Variants in ITPR2 observed in about 807,000 individuals in gnomAD.
ITPR2 encodes the protein inositol 1,4,5-trisphosphate-gated calcium channel ITPR2.
A neutral mutation model predicts 317.1 loss-of-function variants in ITPR2; 207 were observed. The ratio of observed to expected loss-of-function variants is 0.65; its 90% CI spans 0.58 to 0.73. The LOEUF (loss-of-function observed/expected upper bound fraction) is 0.73. ITPR2 is among the 30% of genes least tolerant of loss of function. The pLI, the probability that ITPR2 is intolerant of heterozygous loss-of-function variation, is 0.00. For missense variants in ITPR2, 2,613 were observed against 3,284.0 expected, an observed-to-expected ratio of 0.80 and a Z score of 4.99; for synonymous variants, 1,156 against 1,149.1, an observed-to-expected ratio of 1.01 and a Z score of -0.12.
At chr12:26,452,245 GTT>G (rs35964202) in intron 45 of ITPR2, among the ~76,000 whole-genome samples, 1 of 146,282 alleles carries the variant, frequency 6.8e-6, no homozygotes, top group African/African-American at 2.5e-5. Context: ...AAATCCACCA[GTT>G]TTTTTTTTTA....
chr12:26,464,906 G>A (rs1942131370), intron 45 of ITPR2, among the ~76,000 whole-genome samples: 1 of 152,164 alleles, frequency 6.6e-6, no homozygotes, highest in Admixed American at 6.5e-5. Flanking sequence ...CAGGGTGGGA[G>A]GACCAAGAGT....
At chr12:26,516,534 G>C (rs1275810916) in intron 37 of ITPR2, among the ~76,000 whole-genome samples, 1 of 150,950 alleles carries the variant, frequency 6.6e-6, no homozygotes, top group Non-Finnish European at 1.5e-5. Flanking sequence ...GAATATAAAG[G>C]GGAAAGGAAA....
chr12:26,665,799 C>G, intron 14 of ITPR2, 111 bp downstream of exon 14: 1 of 941,898 alleles, frequency 1.1e-6, no homozygotes, highest in East Asian at 2.5e-5. Flanking sequence ...TTTTCAGCCA[C>G]TAAGTTTTGG....
chr12:26,432,292 C>T (rs1445192368), intron 48 of ITPR2, among the ~76,000 whole-genome samples: 1 of 152,076 alleles, frequency 6.6e-6, no homozygotes, highest in Non-Finnish European at 1.5e-5. Flanking sequence ...AAGCTTGACA[C>T]CTTGAAGAGT....
At chr12:26,595,801 G>T (rs1945828117) in intron 31 of ITPR2, among the ~76,000 whole-genome samples, 2 of 152,092 alleles carry the variant, frequency 1.3e-5, no homozygotes, top group South Asian at 4.1e-4. Context: ...CCATCCCCCT[G>T]GGCCAACCAT....
At chr12:26,782,550 T>C (rs1342983985) in intron 2 of ITPR2, among the ~76,000 whole-genome samples, 1 of 152,350 alleles carries the variant, frequency 6.6e-6, no homozygotes, top group Non-Finnish European at 1.5e-5. Context: ...ACTAATTCAA[T>C]AGATAGTATG....
At chr12:26,520,939 A>C (rs1943645567) in intron 37 of ITPR2, among the ~76,000 whole-genome samples, 1 of 152,228 alleles carries the variant, frequency 6.6e-6, no homozygotes. Context: ...AGTTTATGTA[A>C]GGAATATAAC....
chr12:26,675,819 C>G (rs1319687856), intron 13 of ITPR2, among the ~76,000 whole-genome samples: 4 of 152,196 alleles, frequency 2.6e-5, no homozygotes, highest in African/African-American at 9.6e-5. Context: ...CTTTAAAATA[C>G]AGATAGAAAG....
intron 2 of ITPR2, among the ~76,000 whole-genome samples, chr12:26,763,191 T>C (rs932501481): frequency 6.6e-6 from 1 of 152,134 alleles, no homozygotes; most frequent in East Asian, 1.9e-4. Flanking sequence ...ATTTAATCAA[T>C]TCATAATGTA....
rs747441174 is a variant in ITPR2 at position 26,486,247 on chromosome 12, C to T, written c.5668G>A (p.Asp1890Asn). The change falls in exon 41 of 57, where the codon GAC becomes AAC. Residue 1890 changes from aspartate to asparagine, a missense_variant. This residue lies in a region of ITPR2 where 926 missense variants were observed against 1,072.8 expected (regional missense o/e 0.86). Transcript: ENST00000381340. ...VYRREMDPEI[D>N]IMCTGPEAGN... ...GCTTCTGGTCCTGTGCACATAATGT[C>T]TATTTCTGGATCCATTTCTCTTCTG... 1.9e-6 allele frequency: 3 copies of T among 1,614,076 alleles called. No homozygotes were observed. In the South Asian group the frequency reaches 3.3e-5, roughly 18 times the overall value.
chr12:26,817,335 G>A (rs1161240525), intron 1 of ITPR2, among the ~76,000 whole-genome samples: 2 of 152,166 alleles, frequency 1.3e-5, no homozygotes, highest in Admixed American at 1.3e-4. Context: ...GCAAACAAAA[G>A]AGAAACTTCA....
intron 34 of ITPR2, among the ~76,000 whole-genome samples, chr12:26,565,501 G>GATAC (rs1944930437): frequency 8.4e-6 from 1 of 119,514 alleles, no homozygotes; most frequent in Non-Finnish European, 2.1e-5. Flanking sequence ...TAGATAGATA[G>GATAC]ATAGATAGAT....
chr12:26,656,858 T>C (rs1431171660), intron 18 of ITPR2, among the ~76,000 whole-genome samples: 2 of 152,186 alleles, frequency 1.3e-5, no homozygotes, highest in Non-Finnish European at 2.9e-5. Flanking sequence ...CTGAAGGCTA[T>C]GGGTAACAGC....
chr12:26,441,723 T>C (rs1565528835), intron 46 of ITPR2, among the ~76,000 whole-genome samples: 1 of 152,146 alleles, frequency 6.6e-6, no homozygotes, highest in African/African-American at 2.4e-5. Flanking sequence ...TATCCAATAA[T>C]GAACAAATAA....
intron 37 of ITPR2, among the ~76,000 whole-genome samples, chr12:26,502,659 T>A (rs1388529910): frequency 6.6e-6 from 1 of 151,896 alleles, no homozygotes; most frequent in African/African-American, 2.4e-5. Flanking sequence ...TGTTGCTGAG[T>A]GGGGGGTAAG....
At chr12:26,378,138 G>C (rs1195910151) in intron 55 of ITPR2, among the ~76,000 whole-genome samples, 2 of 151,898 alleles carry the variant, frequency 1.3e-5, no homozygotes, top group Non-Finnish European at 2.9e-5. Context: ...CCTTAATGGG[G>C]TGCATATGGT....
intron 9 of ITPR2, among the ~76,000 whole-genome samples, chr12:26,702,404 G>A (rs1464494211): frequency 8.9e-6 from 1 of 112,144 alleles, no homozygotes; most frequent in Non-Finnish European, 1.9e-5. Context: ...TTTGGGGGCG[G>A]GGGTGGGGGG....
intron 48 of ITPR2, among the ~76,000 whole-genome samples, chr12:26,429,275 T>C (rs1047386837): frequency 2.6e-5 from 4 of 152,248 alleles, no homozygotes; most frequent in Non-Finnish European, 5.9e-5. Context: ...TTTGTTCTTA[T>C]CATGCTGTCT....
intron 2 of ITPR2, among the ~76,000 whole-genome samples, chr12:26,737,635 G>T (rs190521804): frequency 6.6e-6 from 1 of 152,246 alleles, no homozygotes; most frequent in Non-Finnish European, 1.5e-5. Flanking sequence ...TACATAAAAA[G>T]CTCAGACACC....
Sources: gnomAD v4.1 joint callset for allele counts (sites outside exome capture counted in the v4.1 genomes callset) on GRCh38, gnomAD v4.1.1 for gene constraint, gnomAD v4.1.1 regional missense constraint, MANE v1.5 for transcripts, NCBI Gene and HGNC (gene_info 2026-07-23, HGNC 2026-07-21) for gene names.